The following XPO6 variants were observed in gnomAD, a reference collection of about 807,000 sequenced individuals.
XPO6 encodes the protein exportin 6, also known as exportin-6.
In XPO6, 3 loss-of-function variants were observed where a neutral mutation model predicts 130.0. The observed-to-expected ratio is 0.02, with a 90% confidence interval of 0.01 to 0.06. XPO6 has a LOEUF of 0.06. Ranked by LOEUF, XPO6 falls within the 10% of genes least tolerant of loss-of-function variation. The pLI is 1.00. For missense variants in XPO6, 970 were observed against 1,393.0 expected (o/e 0.70, Z 4.83); for synonymous variants, 524 against 548.9 (o/e 0.95, Z 0.63).
chr16:28,172,604 G>C (rs2043468319), intron 4 of XPO6, among the ~76,000 whole-genome samples: 1 of 152,046 alleles, frequency 6.6e-6, no homozygotes, highest in South Asian at 2.1e-4. Flanking sequence ...ACTTCTCCAG[G>C]AGCCTAGAAA....
intron 8 of XPO6, among the ~76,000 whole-genome samples, chr16:28,151,798 C>T (rs575312477): frequency 6.6e-6 from 1 of 152,194 alleles, no homozygotes; most frequent in African/African-American, 2.4e-5. Flanking sequence ...GAGGCCCAGA[C>T]AGGAGGCTCA....
intron 4 of XPO6, among the ~76,000 whole-genome samples, chr16:28,170,483 C>T (rs1057187784): frequency 6.6e-6 from 1 of 152,152 alleles, no homozygotes; most frequent in Admixed American, 6.5e-5. Context: ...TTATACCTAA[C>T]ATGACAATTT....
At chr16:28,181,058 A>G (rs1009275818) in intron 1 of XPO6, 27 bp from the exon 2 acceptor site, 2 of 1,553,472 alleles carry the variant, frequency 1.3e-6, no homozygotes, top group Non-Finnish European at 1.8e-6. Flanking sequence ...AAAAAAAATC[A>G]ATAAGCTGCA....
At chr16:28,159,976 AG>A in intron 6 of XPO6, among the ~76,000 whole-genome samples, 1 of 152,182 alleles carries the variant, frequency 6.6e-6, no homozygotes, top group Middle Eastern at 3.4e-3. Context: ...ACTTGAGGTC[AG>A]GAATTCGAGA....
At chr16:28,105,177 A>AC (rs1371994532) in intron 20 of XPO6, among the ~76,000 whole-genome samples, 1 of 152,226 alleles carries the variant, frequency 6.6e-6, no homozygotes, top group African/African-American at 2.4e-5. Context: ...CTAAAGACAG[A>AC]CCCAACGCCT....
chr16:28,107,484 G>C, intron 18 of XPO6, 38 bp downstream of exon 18: 1 of 1,611,536 alleles, frequency 6.2e-7, no homozygotes, highest in Non-Finnish European at 8.5e-7. Flanking sequence ...GCCCTTGTTA[G>C]CACCACCCAC....
At position 28,211,628 on chromosome 16, in the gene XPO6, CG is replaced by C. The variant is rs2044134693; in HGVS notation, c.-261del. Reference sequence around the variant, plus strand: ...AACTGAAAAAGCAGGAAATGAGGCTCGGATGCCGGCGAGGAGGGCAGCTGCT... The same window carrying C: ...AACTGAAAAAGCAGGAAATGAGGCTCGATGCCGGCGAGGAGGGCAGCTGCT... On this transcript the variant is annotated 5_prime_UTR_variant, in exon 1 of 24. Coordinates refer to ENST00000304658, the MANE Select transcript of XPO6 (RefSeq NM_015171.4). The C allele has an allele frequency of 1.0e-5, 4 of 395,976 alleles. No homozygotes were observed. In the Admixed American group the frequency reaches 1.8e-4, roughly 18 times the overall value. The allele number at this position is 395,976 out of a possible 1,614,324, so 24.5% of individuals were successfully genotyped here.
At position 28,135,206 on chromosome 16, in the gene XPO6, T is replaced by C; in HGVS notation, c.1443+10A>G. The C allele has an allele frequency of 6.2e-7, 1 of 1,611,466 alleles. No individual in the cohort carries two copies. The highest frequency in any genetic ancestry group is 8.5e-7 in the Non-Finnish European group (1 of 1,177,926). ...CAGCGACAAAAAATCAATCAGGGCA[T>C]GCCGCTTACATCGTCATCCAGAGTC... On this transcript the variant is annotated intron_variant, in intron 10 of 23. Transcript: ENST00000304658.
intron 1 of XPO6, among the ~76,000 whole-genome samples, chr16:28,199,379 A>G (rs1315281692): frequency 1.3e-5 from 2 of 152,102 alleles, no homozygotes; most frequent in East Asian, 1.9e-4. Flanking sequence ...GGTTCAAGCA[A>G]TTCTCCCACC....
At chr16:28,180,207 T>C (rs918035813) in intron 2 of XPO6, among the ~76,000 whole-genome samples, 4 of 151,864 alleles carry the variant, frequency 2.6e-5, no homozygotes, top group African/African-American at 9.7e-5. Context: ...CTACTAAAAA[T>C]ACAAAAAATT....
chr16:28,099,109 C>T (rs1347618429), intron 23 of XPO6, among the ~76,000 whole-genome samples: 1 of 152,192 alleles, frequency 6.6e-6, no homozygotes, highest in African/African-American at 2.4e-5. Flanking sequence ...ACGCGCACAC[C>T]GAGCAATGTC....
intron 1 of XPO6, among the ~76,000 whole-genome samples, chr16:28,200,458 G>A (rs1033825276): frequency 6.6e-6 from 1 of 151,896 alleles, no homozygotes; most frequent in South Asian, 2.1e-4. Flanking sequence ...CTACCACTGT[G>A]CCCTCAAGTC....
chr16:28,158,565 A>G (rs1463835586), intron 6 of XPO6, among the ~76,000 whole-genome samples: 2 of 152,104 alleles, frequency 1.3e-5, no homozygotes, highest in East Asian at 3.8e-4. Flanking sequence ...CTATTTGTAC[A>G]TTTTTCTCAG....
At chr16:28,178,312 T>C (rs2043563361) in intron 2 of XPO6, among the ~76,000 whole-genome samples, 1 of 152,116 alleles carries the variant, frequency 6.6e-6, no homozygotes, top group Non-Finnish European at 1.5e-5. Flanking sequence ...CTCACATCTG[T>C]AATCCCAGCA....
At chr16:28,180,896 C>G in intron 2 of XPO6, 45 bp downstream of exon 2, 1 of 1,508,674 alleles carries the variant, frequency 6.6e-7, no homozygotes, top group African/African-American at 1.4e-5. Flanking sequence ...CCTACCAGGG[C>G]CTCCTCATTA....
At chr16:28,167,268 T>G in intron 5 of XPO6, 1 of 985,430 alleles carries the variant, frequency 1.0e-6, no homozygotes, top group Non-Finnish European at 1.2e-6. Context: ...TGGACAATGC[T>G]ACGTGCATAT....
intron 6 of XPO6, among the ~76,000 whole-genome samples, chr16:28,164,277 GT>G (rs1403366760): frequency 6.6e-6 from 1 of 152,142 alleles, no homozygotes; most frequent in African/African-American, 2.4e-5. Context: ...AACTGATACG[GT>G]CAAGAAAGCA....
intron 1 of XPO6, among the ~76,000 whole-genome samples, chr16:28,184,383 T>C (rs576332332): frequency 3.3e-5 from 5 of 152,272 alleles, no homozygotes; most frequent in South Asian, 2.1e-4. Context: ...TCCAGTTGGA[T>C]TGTAGATACA....
Position 28,101,005 on chromosome 16 carries a change from C to A in XPO6, c.3276+453G>T, listed in dbSNP as rs532227121. ...TGAGCTGGGGCTGGTCTGGAAAGAG[C>A]CCAAGACAGCCGGGGAACCTGGGTC... On this transcript the variant is annotated intron_variant, in intron 23 of 23. Coordinates refer to ENST00000304658, the MANE Select transcript of XPO6 (RefSeq NM_015171.4). This position sits in a 1 kb window ranked among gnomAD's most constrained non-coding sequence, Gnocchi z 5.4. The A allele has an allele frequency of 2.9e-4, 78 of 270,668 alleles. 1 individual carries two copies. Among genetic ancestry groups the A allele is most frequent in the South Asian group, 2.7e-3 (74 of 27,622 alleles). 16.8% of individuals were successfully genotyped at this position (270,668 alleles called of 1,614,324 possible). A position where few individuals can be genotyped will look rare whatever the true frequency, so the allele number is the denominator to read the frequency against.
Sources: gnomAD v4.1 joint callset for allele counts (sites outside exome capture counted in the v4.1 genomes callset) on GRCh38, gnomAD v4.1.1 for gene constraint, Gnocchi (gnomAD v3.1) non-coding constraint, MANE v1.5 for transcripts, NCBI Gene and HGNC (gene_info 2026-07-23, HGNC 2026-07-21) for gene names.